KSR2: variants seen among roughly 807,000 people sequenced by gnomAD.
KSR2 encodes kinase suppressor of ras 2.
A neutral mutation model predicts 107.8 loss-of-function variants in KSR2; 25 were observed. The observed-to-expected ratio is 0.23, with a 90% CI of 0.17 to 0.32. KSR2 has a LOEUF of 0.32. KSR2 is among the 10% of genes least tolerant of loss of function. KSR2 has a pLI of 1.00. For missense variants in KSR2, 887 were observed against 1,268.9 expected (o/e 0.70, Z 4.57); for synonymous variants, 480 against 507.0 (o/e 0.95, Z 0.71).
chr12:117,641,040 G>C (rs1297420781), intron 5 of KSR2, among the ~76,000 whole-genome samples: 1 of 152,184 alleles, frequency 6.6e-6, no homozygotes, highest in Non-Finnish European at 1.5e-5. Flanking sequence ...AAACTGGATG[G>C]CTTAAAACAA....
intron 3 of KSR2, among the ~76,000 whole-genome samples, chr12:117,840,501 T>C (rs1289001619): frequency 6.6e-6 from 1 of 152,158 alleles, no homozygotes; most frequent in Non-Finnish European, 1.5e-5. Context: ...GTTCAAACAA[T>C]TATCCTGCCT....
In KSR2 at chr12:117,675,979, A is replaced by G. The variant is rs151027373; in HGVS notation, c.987-8321T>C. On this transcript the variant is annotated intron_variant, in intron 4 of 19. Coordinates refer to ENST00000339824, the MANE Select transcript of KSR2 (RefSeq NM_173598.6). ...ACAGGGCTATGAGCTGTCCCTATCA[A>G]ATTGGCCCTTTTAAATCCTTTGCTC... is the stretch of plus-strand genomic sequence containing the variant. 4.4e-4 allele frequency among the ~76,000 whole-genome samples: 67 copies of G among 152,322 alleles called. 1 individual carries two copies. The highest frequency in any genetic ancestry group is 1.6e-3 in the African/African-American group (66 of 41,578).
At chr12:117,531,543 G>T in intron 11 of KSR2, 123 bp downstream of exon 11, 1 of 776,960 alleles carries the variant, frequency 1.3e-6, no homozygotes, top group South Asian at 1.6e-5. Context: ...GGAGTGTGGT[G>T]ACTCCACTAC....
At chr12:117,886,223 T>G (rs1038676988) in intron 1 of KSR2, among the ~76,000 whole-genome samples, 6 of 150,098 alleles carry the variant, frequency 4.0e-5, no homozygotes, top group Admixed American at 2.0e-4. Flanking sequence ...TATAAATATA[T>G]TTATGTAAAT....
intron 3 of KSR2, among the ~76,000 whole-genome samples, chr12:117,845,333 G>T (rs1022094372): frequency 8.5e-5 from 13 of 152,136 alleles, no homozygotes; most frequent in African/African-American, 3.1e-4. Flanking sequence ...CCTGCCTTCT[G>T]CTTCTTAAAA....
chr12:117,765,458 T>C (rs1395699153), intron 3 of KSR2, among the ~76,000 whole-genome samples: 1 of 152,196 alleles, frequency 6.6e-6, no homozygotes, highest in Non-Finnish European at 1.5e-5. Context: ...AGCTTCAGTT[T>C]GGGGGCTCAT....
chr12:117,886,392 T>C (rs1256229544), intron 1 of KSR2, among the ~76,000 whole-genome samples: 4 of 151,988 alleles, frequency 2.6e-5, no homozygotes, highest in African/African-American at 9.7e-5. Flanking sequence ...ACAAATCATA[T>C]ATATGATATG....
At chr12:117,774,217 C>T (rs113530176) in intron 3 of KSR2, among the ~76,000 whole-genome samples, 3 of 152,294 alleles carry the variant, frequency 2.0e-5, no homozygotes, top group African/African-American at 7.2e-5. Flanking sequence ...ATAGGACATT[C>T]ATTTTAGCCA....
chr12:117,642,360 C>T (rs1883416383), intron 5 of KSR2, among the ~76,000 whole-genome samples: 1 of 152,162 alleles, frequency 6.6e-6, no homozygotes. Context: ...AGGAATGACT[C>T]TTGAAGATAC....
intron 3 of KSR2, among the ~76,000 whole-genome samples, chr12:117,836,957 C>T (rs1021155424): frequency 1.3e-5 from 2 of 152,216 alleles, no homozygotes; most frequent in Admixed American, 6.5e-5. Context: ...TTTGCATCTC[C>T]ACTAGTTATT....
intron 5 of KSR2, among the ~76,000 whole-genome samples, chr12:117,636,572 GT>G (rs1445059271): frequency 6.6e-6 from 1 of 152,044 alleles, no homozygotes; most frequent in Non-Finnish European, 1.5e-5. Flanking sequence ...AGGAAGGAAG[GT>G]TATTCAATAA....
At position 117,539,709 on chromosome 12, in the gene KSR2, AT is replaced by A. The variant is rs1565890829; in HGVS notation, c.1687+9del. On this transcript the variant is annotated intron_variant, in intron 10 of 19. Transcript: ENST00000339824. ...CTGCACCCCTCATGTCTCCCCAAGC[AT>A]GGAGGTACCTGGCAGGTTGAAGTTC... The A allele has an allele frequency of 7.5e-6, 12 of 1,596,124 alleles. No individual in the cohort carries two copies. The Middle Eastern group carries it at 8.2e-4, about 109-fold the overall frequency.
At chr12:117,659,071 CAA>C (rs1286103271) in intron 5 of KSR2, among the ~76,000 whole-genome samples, 4 of 152,100 alleles carry the variant, frequency 2.6e-5, no homozygotes, top group African/African-American at 9.7e-5. Flanking sequence ...AGCTGATGCT[CAA>C]GAGAGGGGTT....
chr12:117,691,493 A>G (rs1459234354), intron 4 of KSR2, among the ~76,000 whole-genome samples: 1 of 152,194 alleles, frequency 6.6e-6, no homozygotes, highest in Non-Finnish European at 1.5e-5. Flanking sequence ...AGCCATGTTC[A>G]GCACCAAGAT....
Position 117,462,241 on chromosome 12 carries a change from A to AG in KSR2, c.*4957_*4958insC, listed in dbSNP as rs1362280797. On this transcript the variant is annotated 3_prime_UTR_variant, in exon 20 of 20. Coordinates refer to ENST00000339824, the MANE Select transcript of KSR2 (RefSeq NM_173598.6). ...ATAAGTTGTGGTGTCCCCAACAAAAAAAAAAAAAAAAAAAAAAAGACATGT... is the reference window on the plus strand; with the variant it reads ...ATAAGTTGTGGTGTCCCCAACAAAAAGAAAAAAAAAAAAAAAAAAGACATGT... 6.6e-6 allele frequency: 1 copy of AG among 151,036 alleles called. No homozygotes were observed. The highest frequency in any genetic ancestry group is 1.5e-5 in the Non-Finnish European group (1 of 67,722). 9.4% of individuals were successfully genotyped at this position (151,036 alleles called of 1,614,324 possible).
At chr12:117,793,527 C>A (rs1566017779) in intron 3 of KSR2, among the ~76,000 whole-genome samples, 1 of 94,694 alleles carries the variant, frequency 1.1e-5, no homozygotes. Context: ...ACACATACAC[C>A]AACGTGCACT....
intron 8 of KSR2, 79 bp downstream of exon 8, chr12:117,558,427 T>G (rs1233526999): frequency 2.7e-6 from 3 of 1,130,206 alleles, no homozygotes; most frequent in Non-Finnish European, 4.0e-6. Flanking sequence ...AGAACCAACC[T>G]GATGGGACAG....
At chr12:117,784,767 C>T (rs141807827) in intron 3 of KSR2, among the ~76,000 whole-genome samples, 38 of 152,148 alleles carry the variant, frequency 2.5e-4, no homozygotes, top group African/African-American at 8.2e-4. Context: ...AGAAAGAGGC[C>T]CCTGAAAGCC....
chr12:117,877,360 G>T (rs1253047268), intron 1 of KSR2, among the ~76,000 whole-genome samples: 4 of 151,996 alleles, frequency 2.6e-5, no homozygotes, highest in African/African-American at 9.7e-5. Context: ...CCGATTATGG[G>T]ACATTTTACT....
Sources: gnomAD v4.1 joint callset for allele counts (sites outside exome capture counted in the v4.1 genomes callset) on GRCh38, gnomAD v4.1.1 for gene constraint, MANE v1.5 for transcripts, NCBI Gene and HGNC (gene_info 2026-07-23, HGNC 2026-07-21) for gene names.